The following FLRT2 variants were observed in gnomAD, a reference collection of about 807,000 sequenced individuals.
FLRT2 encodes the protein leucine-rich repeat transmembrane protein FLRT2.
Under a neutral mutation model 40.0 loss-of-function variants are expected in FLRT2, and 15 were observed. The observed-to-expected ratio is 0.38, with a 90% CI of 0.25 to 0.58. The LOEUF (loss-of-function observed/expected upper bound fraction) is 0.58, where lower values mean the gene tolerates loss of function less well. Ranked by LOEUF, FLRT2 falls within the 20% of genes least tolerant of loss-of-function variation. FLRT2 has a pLI of 0.71. For missense variants in FLRT2, 726 were observed against 840.0 expected, an observed-to-expected ratio of 0.86 and a Z score of 1.68; for synonymous variants, 380 against 336.8, an observed-to-expected ratio of 1.13 and a Z score of -1.41.
intron 1 of FLRT2, among the ~76,000 whole-genome samples, chr14:85,549,494 G>A (rs1191886720): frequency 6.6e-6 from 1 of 152,172 alleles, no homozygotes; most frequent in Non-Finnish European, 1.5e-5. Flanking sequence ...AGTCTGAGGG[G>A]AATATCCCAT....
chr14:85,612,162 C>T (rs559545910), intron 1 of FLRT2, among the ~76,000 whole-genome samples: 3 of 138,524 alleles, frequency 2.2e-5, no homozygotes, highest in African/African-American at 8.0e-5. Flanking sequence ...AAAAAAAACA[C>T]AGTTAAGTGG....
In FLRT2 at chr14:85,651,452, T is replaced by A. The variant is rs1566776642; in HGVS notation, c.*27955T>A. ...ACATTTTGTTTTTGTTTGTTTGTGCTGTGAATTATTGAGATAATGGGTTAA... is the reference window on the plus strand; with the variant it reads ...ACATTTTGTTTTTGTTTGTTTGTGCAGTGAATTATTGAGATAATGGGTTAA... On this transcript the variant is annotated 3_prime_UTR_variant, in exon 2 of 2. Transcript: ENST00000330753. The A allele has an allele frequency of 6.6e-6, 1 of 152,152 alleles. No homozygotes were observed. Among genetic ancestry groups the A allele is most frequent in the Non-Finnish European group, 1.5e-5 (1 of 68,000 alleles). The allele number at this position is 152,152 out of a possible 1,614,324, so 9.4% of individuals were successfully genotyped here.
intron 1 of FLRT2, among the ~76,000 whole-genome samples, chr14:85,537,971 A>G (rs1888768673): frequency 6.6e-6 from 1 of 151,974 alleles, no homozygotes; most frequent in Non-Finnish European, 1.5e-5. Flanking sequence ...AGGGAAATTC[A>G]TCATGTTGTG....
Position 85,625,189 on chromosome 14 carries a change from G to GA in FLRT2, c.*1698dup, listed in dbSNP as rs1893621317. 6.0e-6 allele frequency: 1 copy of GA among 166,918 alleles called. No homozygotes were observed. Among genetic ancestry groups the GA allele is most frequent in the Non-Finnish European group, 1.5e-5 (1 of 68,084 alleles). The allele number at this position is 166,918 out of a possible 1,614,324, so 10.3% of individuals were successfully genotyped here. On this transcript the variant is annotated 3_prime_UTR_variant, in exon 2 of 2. Transcript: ENST00000330753. ...TACGTTATCAAAAACTACTCCCTTG[G>GA]AAAAAATATCTTTCGAAAATCAAAT...
chr14:85,577,590 T>A (rs10150538), intron 1 of FLRT2, among the ~76,000 whole-genome samples: 79,246 of 151,404 alleles, frequency 0.52, 20,921 homozygotes, highest in East Asian at 0.6. Flanking sequence ...CCTGATTATT[T>A]TTTTTTTTTC....
chr14:85,616,461 C>T (rs770837428), intron 1 of FLRT2, among the ~76,000 whole-genome samples: 51 of 152,140 alleles, frequency 3.4e-4, no homozygotes, highest in Admixed American at 1.0e-3. Flanking sequence ...TCTAGAAGCA[C>T]GACTACCTCA....
intron 1 of FLRT2, among the ~76,000 whole-genome samples, chr14:85,577,846 A>C (rs966347987): frequency 3.0e-4 from 46 of 152,108 alleles, no homozygotes; most frequent in African/African-American, 1.1e-3. Flanking sequence ...CTCCCAAGGC[A>C]CTGGGATTAC....
intron 1 of FLRT2, among the ~76,000 whole-genome samples, chr14:85,569,895 T>A (rs1890809573): frequency 6.6e-6 from 1 of 152,216 alleles, no homozygotes; most frequent in African/African-American, 2.4e-5. Context: ...AATTGTAGGA[T>A]CACGTTAACA....
At chr14:85,532,039 G>A (rs1888317070) in intron 1 of FLRT2, among the ~76,000 whole-genome samples, 1 of 152,242 alleles carries the variant, frequency 6.6e-6, no homozygotes, top group Non-Finnish European at 1.5e-5. Flanking sequence ...GGATGCGAAG[G>A]AAATAAAAAA....
intron 1 of FLRT2, among the ~76,000 whole-genome samples, chr14:85,553,690 C>T (rs776326836): frequency 3.2e-4 from 49 of 151,404 alleles, no homozygotes; most frequent in African/African-American, 9.5e-4. Context: ...AGGGTGAGGA[C>T]GGAAAGGAAA....
intron 1 of FLRT2, among the ~76,000 whole-genome samples, chr14:85,613,862 G>C (rs116167679): frequency 1.7e-3 from 260 of 152,264 alleles, no homozygotes; most frequent in African/African-American, 6.1e-3. Flanking sequence ...TTTCAGGATT[G>C]ATGGAAGGAA....
At chr14:85,585,823 G>T (rs1228962164) in intron 1 of FLRT2, among the ~76,000 whole-genome samples, 3 of 152,106 alleles carry the variant, frequency 2.0e-5, no homozygotes, top group Non-Finnish European at 1.5e-5. Flanking sequence ...TAGGTGAAGA[G>T]CTGGGGAACC....
chr14:85,589,910 G>T (rs1304069110), intron 1 of FLRT2, among the ~76,000 whole-genome samples: 1 of 151,938 alleles, frequency 6.6e-6, no homozygotes, highest in African/African-American at 2.4e-5. Flanking sequence ...GTCAAAAGTG[G>T]ATGCGCTGTA....
At chr14:85,539,797 G>C (rs1888877225) in intron 1 of FLRT2, among the ~76,000 whole-genome samples, 1 of 152,162 alleles carries the variant, frequency 6.6e-6, no homozygotes, top group Non-Finnish European at 1.5e-5. Flanking sequence ...TGATAGACTA[G>C]GTTTTATATA....
At position 85,629,055 on chromosome 14, in the gene FLRT2, A is replaced by T. The variant is rs151127273; in HGVS notation, c.*5558A>T. 6.6e-6 allele frequency: 1 copy of T among 152,266 alleles called. No homozygotes were observed. Among genetic ancestry groups the T allele is most frequent in the Admixed American group, 6.5e-5 (1 of 15,298 alleles). 9.4% of individuals were successfully genotyped at this position (152,266 alleles called of 1,614,324 possible). A position where few individuals can be genotyped will look rare whatever the true frequency, so the allele number is the denominator to read the frequency against. On this transcript the variant is annotated 3_prime_UTR_variant, in exon 2 of 2. Coordinates refer to ENST00000330753, the MANE Select transcript of FLRT2 (RefSeq NM_013231.6). The stretch of plus-strand genomic sequence containing the variant: ...CTATTCATCTACTTTCTACAGCACT[A>T]TGTTAGGGTCTTCCGGGGATTCAGA...
At chr14:85,608,748 C>T (rs1482754023) in intron 1 of FLRT2, among the ~76,000 whole-genome samples, 1 of 152,134 alleles carries the variant, frequency 6.6e-6, no homozygotes, top group South Asian at 2.1e-4. Context: ...TATGCACGAC[C>T]CTTCTCTTCT....
At chr14:85,586,261 T>C (rs1891608997) in intron 1 of FLRT2, among the ~76,000 whole-genome samples, 1 of 151,866 alleles carries the variant, frequency 6.6e-6, no homozygotes, top group African/African-American at 2.4e-5. Flanking sequence ...GAGAGGTTAG[T>C]GAAGTAACTT....
At chr14:85,615,101 A>G (rs1381172774) in intron 1 of FLRT2, among the ~76,000 whole-genome samples, 4 of 152,182 alleles carry the variant, frequency 2.6e-5, no homozygotes, top group Non-Finnish European at 5.9e-5. Flanking sequence ...CTATTCTTCT[A>G]GATCCAAACA....
chr14:85,566,234 A>G (rs1287824675), intron 1 of FLRT2, among the ~76,000 whole-genome samples: 1 of 152,148 alleles, frequency 6.6e-6, no homozygotes, highest in Non-Finnish European at 1.5e-5. Flanking sequence ...TATCACAATG[A>G]TACTTGGCCT....
Sources: gnomAD v4.1 joint callset for allele counts (sites outside exome capture counted in the v4.1 genomes callset) on GRCh38, gnomAD v4.1.1 for gene constraint, MANE v1.5 for transcripts, NCBI Gene and HGNC (gene_info 2026-07-23, HGNC 2026-07-21) for gene names.